IL1RAPL2: variants seen among roughly 807,000 people sequenced by gnomAD.
The protein encoded by IL1RAPL2 is X-linked interleukin-1 receptor accessory protein-like 2.
In IL1RAPL2, 3 loss-of-function variants were observed where a neutral mutation model predicts 44.1. The ratio of observed to expected loss-of-function variants is 0.07; its 90% CI spans 0.03 to 0.18. The LOEUF (loss-of-function observed/expected upper bound fraction) is 0.18. Ranked by LOEUF, IL1RAPL2 falls within the 10% of genes least tolerant of loss-of-function variation. The probability of loss-of-function intolerance (pLI) is 1.00; values close to 1 mark genes in which losing one functional copy is unlikely to be tolerated. For missense variants in IL1RAPL2, 391 were observed against 496.4 expected (o/e 0.79, Z 2.02); for synonymous variants, 181 against 178.8 (o/e 1.01, Z -0.10).
At chrX:105,148,323 G>A (rs539227061) in intron 2 of IL1RAPL2, among the ~76,000 whole-genome samples, 6 of 111,492 alleles carry the variant, frequency 5.4e-5, no homozygotes, top group African/African-American at 9.8e-5. Context: ...GTGTAATGTC[G>A]TAACTTTCAT....
Position 105,489,657 on chromosome X carries a change from CCTTT to C in IL1RAPL2, c.772+5285_772+5288del, listed in dbSNP as rs202040521. 6.5e-3 allele frequency among the ~76,000 whole-genome samples: 715 copies of C among 109,728 alleles called. 4 individuals carry two copies. Among genetic ancestry groups the C allele is most frequent in the African/African-American group, 0.021 (629 of 30,204 alleles). On this transcript the variant is annotated intron_variant, in intron 6 of 10. Transcript: ENST00000372582. ...GATGATAATTTTCTTTTCCTTCCTT[CCTTT>C]CTTTCTTTCTTTCTCTTTCTTTTTC...
intron 3 of IL1RAPL2, chrX:105,220,302 G>C (rs782166550): frequency 3.3e-6 from 4 of 1,210,401 alleles, no homozygotes; most frequent in South Asian, 3.5e-5. Flanking sequence ...GATAGAACTC[G>C]GGGCCTTTCG....
At chrX:105,676,457 G>T (rs1228980706) in intron 6 of IL1RAPL2, among the ~76,000 whole-genome samples, 1 of 111,774 alleles carries the variant, frequency 8.9e-6, no homozygotes, top group East Asian at 2.8e-4. Context: ...AGAGACCACA[G>T]AAAACTTGTC....
chrX:105,539,039 T>A (rs1005358370), intron 6 of IL1RAPL2, among the ~76,000 whole-genome samples: 1 of 110,492 alleles, frequency 9.1e-6, no homozygotes, highest in Admixed American at 9.6e-5. Flanking sequence ...AAATCAGAGA[T>A]GACACAAACA....
chrX:105,447,195 A>G (rs2035967113), intron 5 of IL1RAPL2, among the ~76,000 whole-genome samples: 1 of 18,450 alleles, frequency 5.4e-5, no homozygotes, highest in Non-Finnish European at 6.7e-5. Flanking sequence ...ATAAATATAT[A>G]TAAATATATA....
chrX:105,123,592 TGTA>T (rs941202876), intron 2 of IL1RAPL2, among the ~76,000 whole-genome samples: 9 of 111,560 alleles, frequency 8.1e-5, no homozygotes, highest in African/African-American at 2.6e-4. Context: ...TGATCTGAGA[TGTA>T]GTTGATGAGT....
At chrX:105,267,342 CTG>C in intron 4 of IL1RAPL2, 44 bp from the exon 5 acceptor site, 1 of 1,102,998 alleles carries the variant, frequency 9.1e-7, no homozygotes, top group Non-Finnish European at 1.2e-6. Flanking sequence ...GAGATGTAGT[CTG>C]TGAAATTCTA....
chrX:105,695,729 T>C (rs2038071382), intron 6 of IL1RAPL2, among the ~76,000 whole-genome samples: 1 of 111,299 alleles, frequency 9.0e-6, no homozygotes, highest in African/African-American at 3.3e-5. Context: ...TCACAAAACA[T>C]TGTACAATAG....
At chrX:105,242,934 A>C (rs1283920628) in intron 4 of IL1RAPL2, among the ~76,000 whole-genome samples, 1 of 110,307 alleles carries the variant, frequency 9.1e-6, no homozygotes, top group Non-Finnish European at 1.9e-5. Context: ...CTCCGTCTCT[A>C]CTAAAAATAC....
At chrX:104,753,749 A>G (rs992591941) in intron 2 of IL1RAPL2, among the ~76,000 whole-genome samples, 1 of 111,472 alleles carries the variant, frequency 9.0e-6, no homozygotes, top group Non-Finnish European at 1.9e-5. Context: ...GAATCAGGTT[A>G]TAGTTTAATT....
intron 6 of IL1RAPL2, among the ~76,000 whole-genome samples, chrX:105,670,105 G>GCATATATATA (rs1255183400): frequency 4.3e-4 from 5 of 11,684 alleles, no homozygotes; most frequent in Admixed American, 1.1e-3. Context: ...TGGGTTTCCT[G>GCATATATATA]TATATATATA....
chrX:105,473,778 T>A (rs767147565), intron 5 of IL1RAPL2, among the ~76,000 whole-genome samples: 2 of 112,160 alleles, frequency 1.8e-5, no homozygotes, highest in South Asian at 7.4e-4. Context: ...AACTTTGGTT[T>A]GAAATGCAAA....
intron 2 of IL1RAPL2, among the ~76,000 whole-genome samples, chrX:104,778,148 G>A (rs1469791512): frequency 3.6e-5 from 4 of 110,181 alleles, no homozygotes. Flanking sequence ...TATCTTCTTT[G>A]GAGATATGTT....
chrX:105,611,079 T>G (rs372330655), intron 6 of IL1RAPL2, among the ~76,000 whole-genome samples: 1 of 111,486 alleles, frequency 9.0e-6, no homozygotes, highest in East Asian at 2.8e-4. Context: ...TATGTGTGTT[T>G]GTGTCTTCGT....
intron 6 of IL1RAPL2, among the ~76,000 whole-genome samples, chrX:105,715,103 A>T (rs2038245871): frequency 1.8e-5 from 2 of 112,160 alleles, no homozygotes; most frequent in South Asian, 7.4e-4. Flanking sequence ...AAATACAGAT[A>T]AAAGATTTGT....
intron 2 of IL1RAPL2, among the ~76,000 whole-genome samples, chrX:105,162,798 C>T (rs187871819): frequency 1.1e-4 from 12 of 111,298 alleles, no homozygotes; most frequent in African/African-American, 3.6e-4. Flanking sequence ...GAAGTAAGAT[C>T]AAGGCACCAG....
intron 6 of IL1RAPL2, among the ~76,000 whole-genome samples, chrX:105,694,456 C>G (rs2038060970): frequency 8.9e-6 from 1 of 111,931 alleles, no homozygotes; most frequent in East Asian, 2.8e-4. Context: ...ATCCTCACAT[C>G]AAACCTGTGA....
chrX:105,621,171 T>C (rs773670402), intron 6 of IL1RAPL2, among the ~76,000 whole-genome samples: 16 of 111,890 alleles, frequency 1.4e-4, no homozygotes, highest in Non-Finnish European at 2.6e-4. Flanking sequence ...TTTATAAACA[T>C]GTCATAAATA....
At chrX:105,608,229 C>T (rs757859909) in intron 6 of IL1RAPL2, among the ~76,000 whole-genome samples, 1 of 111,289 alleles carries the variant, frequency 9.0e-6, no homozygotes, top group Non-Finnish European at 1.9e-5. Flanking sequence ...CAGATATCTT[C>T]CCATGTAATT....
Sources: allele counts gnomAD v4.1 joint callset (sites outside exome capture counted in the v4.1 genomes callset), GRCh38; gene constraint gnomAD v4.1.1; transcripts MANE v1.5; gene names NCBI Gene and HGNC (gene_info 2026-07-23, HGNC 2026-07-21).